Variants in SKAP2 observed in about 807,000 individuals in gnomAD.
The protein encoded by SKAP2 is src kinase-associated phosphoprotein 2.
Under a neutral mutation model 54.9 loss-of-function variants are expected in SKAP2, and 28 were observed. That is an observed-to-expected ratio of 0.51 (90% CI 0.38 to 0.70). SKAP2 has a LOEUF of 0.70. Among genes scored for constraint, SKAP2 ranks in the 30% least tolerant of loss-of-function variants. The pLI, the probability that SKAP2 is intolerant of heterozygous loss-of-function variation, is 0.00. For synonymous variants in SKAP2, 137 were observed against 134.3 expected, an observed-to-expected ratio of 1.02 and a Z score of -0.14; for missense variants, 356 against 424.1, an observed-to-expected ratio of 0.84 and a Z score of 1.41.
intron 4 of SKAP2, among the ~76,000 whole-genome samples, chr7:26,762,886 A>G (rs1782963826): frequency 6.6e-6 from 1 of 152,204 alleles, no homozygotes; most frequent in Non-Finnish European, 1.5e-5. Context: ...CAATTTGCCA[A>G]TGTTACATGT....
chr7:26,754,142 T>A (rs1406528521), intron 4 of SKAP2, among the ~76,000 whole-genome samples: 1 of 152,018 alleles, frequency 6.6e-6, no homozygotes, highest in Non-Finnish European at 1.5e-5. Flanking sequence ...GGCGAGTGGA[T>A]CACTTGAGGT....
chr7:26,670,906 T>C (rs1786214928), intron 11 of SKAP2, among the ~76,000 whole-genome samples: 1 of 152,100 alleles, frequency 6.6e-6, no homozygotes, highest in South Asian at 2.1e-4. Context: ...ACCCTTATAG[T>C]GGAAGATCAA....
intron 9 of SKAP2, among the ~76,000 whole-genome samples, chr7:26,722,110 T>G (rs546186621): frequency 1.2e-4 from 18 of 152,312 alleles, no homozygotes; most frequent in African/African-American, 4.1e-4. Context: ...GTAAAAGGAT[T>G]AGGATATTTG....
chr7:26,785,386 C>T (rs1224567570), intron 4 of SKAP2, among the ~76,000 whole-genome samples: 1 of 152,096 alleles, frequency 6.6e-6, no homozygotes, highest in Non-Finnish European at 1.5e-5. Context: ...TGGGGTTTCA[C>T]CATGTTAGCC....
chr7:26,669,888 C>T (rs1786190942), intron 12 of SKAP2, among the ~76,000 whole-genome samples: 1 of 152,030 alleles, frequency 6.6e-6, no homozygotes, highest in African/African-American at 2.4e-5. Context: ...CTATTCATTT[C>T]CAAAGTAAAT....
At chr7:26,767,730 T>C (rs990379749) in intron 4 of SKAP2, among the ~76,000 whole-genome samples, 2 of 152,224 alleles carry the variant, frequency 1.3e-5, no homozygotes, top group African/African-American at 4.8e-5. Context: ...CCAGTAGTCA[T>C]TCAGGAGCAG....
Position 26,725,613 on chromosome 7 carries a change from A to G in SKAP2, c.659-48T>C. The G allele has an allele frequency of 2.0e-6, 3 of 1,480,944 alleles. 1 individual carries two copies. In the South Asian group the frequency reaches 3.8e-5, roughly 19 times the overall value. 91.7% of individuals were successfully genotyped at this position (1,480,944 alleles called of 1,614,324 possible). A position where few individuals can be genotyped will look rare whatever the true frequency, so the allele number is the denominator to read the frequency against. ...TAAATTTTAAAAGAATGCAGAAGAT[A>G]TTTTTAAAACTATACTTTATAAATA... On this transcript the variant is annotated intron_variant, in intron 8 of 12. Coordinates refer to ENST00000345317, the MANE Select transcript of SKAP2 (RefSeq NM_003930.5).
In SKAP2 at chr7:26,745,593, C is replaced by T. The variant is rs112981967; in HGVS notation, c.308-5629G>A. On this transcript the variant is annotated intron_variant, in intron 4 of 12. Transcript: ENST00000345317. ...GTGCAGTGGCATGATTTTGTTACTG[C>T]AGCCTCTGCCTTCTGGGCTCAAGCG... Among the ~76,000 whole-genome samples, 6 of 152,304 alleles carry T rather than the reference C, an allele frequency of 3.9e-5. 1 individual carries two copies. The highest frequency in any genetic ancestry group is 1.4e-4 in the African/African-American group (6 of 41,568).
chr7:26,699,541 AG>A (rs1220710105), intron 9 of SKAP2, among the ~76,000 whole-genome samples: 1 of 152,208 alleles, frequency 6.6e-6, no homozygotes, highest in Non-Finnish European at 1.5e-5. Context: ...AATTTCCAAT[AG>A]GGTAAATATT....
Position 26,725,906 on chromosome 7 carries a change from C to G in SKAP2, c.658+17G>C. 1 of 1,589,358 alleles carries G rather than the reference C, an allele frequency of 6.3e-7. No homozygotes were observed. Among genetic ancestry groups the G allele is most frequent in the South Asian group, 1.1e-5 (1 of 90,604 alleles). ...TATTTAAAGACTGTGATAACTTGTT[C>G]GATTGATTTATCTTACCTTGCAATA... On this transcript the variant is annotated intron_variant, in intron 8 of 12. Coordinates refer to ENST00000345317, the MANE Select transcript of SKAP2 (RefSeq NM_003930.5).
intron 4 of SKAP2, among the ~76,000 whole-genome samples, chr7:26,821,928 G>C (rs1784391173): frequency 1.3e-5 from 2 of 152,022 alleles, no homozygotes; most frequent in African/African-American, 2.4e-5. Flanking sequence ...AAATTTATTT[G>C]TCATTTGATC....
intron 4 of SKAP2, among the ~76,000 whole-genome samples, chr7:26,780,215 T>C (rs562758329): frequency 5.3e-5 from 8 of 152,078 alleles, no homozygotes; most frequent in Non-Finnish European, 1.0e-4. Context: ...TGAGTTAATG[T>C]GTGAAAAGTG....
intron 4 of SKAP2, among the ~76,000 whole-genome samples, chr7:26,748,864 G>A (rs1225594052): frequency 6.6e-6 from 1 of 152,024 alleles, no homozygotes; most frequent in East Asian, 1.9e-4. Flanking sequence ...CAAAACCCTG[G>A]ATTTACATTC....
the SKAP2 span, among the ~76,000 whole-genome samples, chr7:26,658,715 C>T: frequency 6.6e-6 from 1 of 152,084 alleles, no homozygotes; most frequent in Non-Finnish European, 1.5e-5. Context: ...ATAGGTAATG[C>T]AAATGCATAG....
At chr7:26,803,121 G>A (rs1247959041) in intron 4 of SKAP2, among the ~76,000 whole-genome samples, 1 of 152,082 alleles carries the variant, frequency 6.6e-6, no homozygotes, top group Admixed American at 6.5e-5. Context: ...GGACAAATGG[G>A]ATCACATCAA....
intron 4 of SKAP2, among the ~76,000 whole-genome samples, chr7:26,807,569 C>G (rs988667671): frequency 2.6e-5 from 4 of 152,152 alleles, no homozygotes; most frequent in African/African-American, 9.7e-5. Flanking sequence ...TATAAATTAC[C>G]CTGTCTCAGG....
intron 3 of SKAP2, among the ~76,000 whole-genome samples, chr7:26,847,154 C>T (rs1466020842): frequency 2.0e-5 from 3 of 152,006 alleles, no homozygotes; most frequent in African/African-American, 7.2e-5. Context: ...AGTACTGCTA[C>T]TGGCTTCACT....
intron 4 of SKAP2, among the ~76,000 whole-genome samples, chr7:26,802,228 A>G (rs1051323268): frequency 2.1e-4 from 32 of 151,886 alleles, no homozygotes; most frequent in African/African-American, 7.0e-4. Context: ...TTTTTGACAA[A>G]GGTACTAAGA....
At chr7:26,777,210 C>G (rs1055422233) in intron 4 of SKAP2, among the ~76,000 whole-genome samples, 16 of 151,974 alleles carry the variant, frequency 1.1e-4, no homozygotes, top group Non-Finnish European at 8.8e-5. Context: ...TTCTTCAACT[C>G]CAGAGGATGA....
Sources: gnomAD v4.1 joint callset for allele counts (sites outside exome capture counted in the v4.1 genomes callset) on GRCh38, gnomAD v4.1.1 for gene constraint, MANE v1.5 for transcripts, NCBI Gene and HGNC (gene_info 2026-07-23, HGNC 2026-07-21) for gene names.